DGKG: variants seen among roughly 807,000 people sequenced by gnomAD.
The protein encoded by DGKG is DAG kinase gamma.
DGKG carries 78 observed loss-of-function variants against 105.3 expected under a neutral mutation model. The observed-to-expected ratio is 0.74, with a 90% CI of 0.62 to 0.89. DGKG has a LOEUF of 0.89. Among genes scored for constraint, DGKG ranks in the 40% least tolerant of loss-of-function variants. The probability of loss-of-function intolerance (pLI) is 0.00; values close to 1 mark genes in which losing one functional copy is unlikely to be tolerated. For synonymous variants in DGKG, 346 were observed against 367.1 expected (o/e 0.94, Z 0.66); for missense variants, 958 against 1,020.1 (o/e 0.94, Z 0.83).
At chr3:186,196,987 T>C (rs1454005405) in intron 21 of DGKG, among the ~76,000 whole-genome samples, 1 of 152,158 alleles carries the variant, frequency 6.6e-6, no homozygotes, top group African/African-American at 2.4e-5. Flanking sequence ...GCAGAGAAGA[T>C]ACTCAATACA....
At position 186,308,304 on chromosome 3, in the gene DGKG, A is replaced by C. The variant is rs74969582; in HGVS notation, c.68-1327T>G. Among the ~76,000 whole-genome samples, 205 of 152,328 alleles carry C rather than the reference A, an allele frequency of 1.3e-3. 1 individual carries two copies. Among genetic ancestry groups the C allele is most frequent in the Admixed American group, 2.7e-3 (41 of 15,308 alleles). On this transcript the variant is annotated intron_variant, in intron 2 of 24. Transcript: ENST00000265022. ...GTTATTAAAAACACATTATGAATGC[A>C]TCTTGTGCAGCTATCAGCACTCTAG...
chr3:186,183,185 C>G (rs1397733812), intron 22 of DGKG, among the ~76,000 whole-genome samples: 1 of 152,194 alleles, frequency 6.6e-6, no homozygotes, highest in African/African-American at 2.4e-5. Flanking sequence ...TTTCTAAACA[C>G]TAGCCACTTG....
At chr3:186,352,739 T>C (rs966639081) in intron 1 of DGKG, among the ~76,000 whole-genome samples, 4 of 152,132 alleles carry the variant, frequency 2.6e-5, no homozygotes, top group Non-Finnish European at 5.9e-5. Flanking sequence ...TGTACTGCCA[T>C]TGGTTTAGCC....
intron 1 of DGKG, among the ~76,000 whole-genome samples, chr3:186,343,195 C>T (rs1002555218): frequency 1.3e-5 from 2 of 152,156 alleles, no homozygotes; most frequent in African/African-American, 4.8e-5. Flanking sequence ...TCCATGGAGG[C>T]TACTGAACCA....
At chr3:186,247,906 G>A (rs947501556) in intron 19 of DGKG, among the ~76,000 whole-genome samples, 4 of 152,104 alleles carry the variant, frequency 2.6e-5, no homozygotes, top group African/African-American at 7.2e-5. Flanking sequence ...GAGAGTGATG[G>A]AGAATCTGTT....
chr3:186,307,119 C>T (rs545663860), intron 2 of DGKG, 142 bp from the exon 3 acceptor site: 124 of 634,562 alleles, frequency 2.0e-4, no homozygotes, highest in Non-Finnish European at 3.2e-4. Flanking sequence ...CCCTCTTCTA[C>T]CCTTTGTCCT....
At chr3:186,296,568 C>T (rs1308332333) in intron 5 of DGKG, among the ~76,000 whole-genome samples, 1 of 152,252 alleles carries the variant, frequency 6.6e-6, no homozygotes, top group Non-Finnish European at 1.5e-5. Flanking sequence ...CCACATCTCT[C>T]ACAGCCCAAC....
At chr3:186,189,335 A>T (rs1717795648) in intron 21 of DGKG, among the ~76,000 whole-genome samples, 1 of 152,224 alleles carries the variant, frequency 6.6e-6, no homozygotes, top group Admixed American at 6.5e-5. Context: ...TTCATCTCAC[A>T]TGTCTATAAA....
chr3:186,353,202 A>C (rs184533447), intron 1 of DGKG, among the ~76,000 whole-genome samples: 68 of 152,188 alleles, frequency 4.5e-4, no homozygotes, highest in African/African-American at 1.5e-3. Context: ...CAGGCCGAGG[A>C]CGTGACCCTT....
At chr3:186,336,736 A>G (rs1725849284) in intron 1 of DGKG, among the ~76,000 whole-genome samples, 1 of 151,592 alleles carries the variant, frequency 6.6e-6, no homozygotes, top group South Asian at 2.1e-4. Flanking sequence ...TATGAGACAG[A>G]GAGAGAGAGA....
Position 186,288,832 on chromosome 3 carries a change from G to A in DGKG, c.422C>T (p.Ala141Val), listed in dbSNP as rs757494014. 83 of 1,605,664 alleles carry A rather than the reference G, an allele frequency of 5.2e-5. 1 individual carries two copies. Among genetic ancestry groups the A allele is most frequent in the Admixed American group, 1.5e-4 (9 of 58,556 alleles). ...KQAPAEDQVA[A>V]TPLEPPVPRS... ...AGGGACGGGGGGTTCCAGGGGGGTC[G>A]CAGCCACTTGGTCTTCAGCTGGTGC... The change falls in exon 6 of 25, where the codon GCG becomes GTG. Residue 141 changes from alanine to valine, a missense_variant. Around this residue, in one of 2 missense-constraint regions of DGKG, gnomAD observed 643 missense variants for 619.5 expected, o/e 1.04. Coordinates refer to ENST00000265022, the MANE Select transcript of DGKG (RefSeq NM_001346.3).
At chr3:186,293,729 C>T (rs555047315) in intron 5 of DGKG, among the ~76,000 whole-genome samples, 14 of 152,342 alleles carry the variant, frequency 9.2e-5, no homozygotes, top group African/African-American at 3.4e-4. Flanking sequence ...AATCTAAGCT[C>T]TTTCCCTGGC....
chr3:186,339,251 T>C (rs940172226), intron 1 of DGKG, among the ~76,000 whole-genome samples: 1 of 152,204 alleles, frequency 6.6e-6, no homozygotes, highest in African/African-American at 2.4e-5. Flanking sequence ...ACCTTAGCCA[T>C]CAGTGAACTT....
chr3:186,299,086 TCAA>T (rs754190313), intron 3 of DGKG, among the ~76,000 whole-genome samples: 3 of 152,146 alleles, frequency 2.0e-5, no homozygotes, highest in Non-Finnish European at 1.5e-5. Flanking sequence ...CAGCAAACAC[TCAA>T]CAACAACAGT....
At chr3:186,358,585 AT>A (rs775028337) in intron 1 of DGKG, among the ~76,000 whole-genome samples, 2 of 149,642 alleles carry the variant, frequency 1.3e-5, no homozygotes, top group Admixed American at 6.7e-5. Flanking sequence ...ACCTGAGGAC[AT>A]TTTTTTTAAA....
chr3:186,322,343 C>G (rs947011625), intron 1 of DGKG, among the ~76,000 whole-genome samples: 7 of 152,118 alleles, frequency 4.6e-5, no homozygotes, highest in African/African-American at 1.7e-4. Flanking sequence ...CCAGATACAG[C>G]ACATCTTCAC....
chr3:186,320,364 G>T (rs761876301), intron 2 of DGKG, 29 bp downstream of exon 2: 2 of 1,613,382 alleles, frequency 1.2e-6, no homozygotes, highest in East Asian at 2.2e-5. Context: ...AAGAAATCCC[G>T]TCCCAGGGCT....
chr3:186,320,326 C>T, intron 2 of DGKG, 67 bp downstream of exon 2: 5 of 1,600,528 alleles, frequency 3.1e-6, no homozygotes, highest in Non-Finnish European at 4.3e-6. Context: ...TACTGCTATG[C>T]TTTCCAGAAA....
At chr3:186,265,217 G>T (rs561293364) in intron 14 of DGKG, 30 bp downstream of exon 14, 7 of 1,611,110 alleles carry the variant, frequency 4.3e-6, no homozygotes, top group Admixed American at 3.3e-5. Context: ...AACTTAGAAG[G>T]TGCAATCGGA....
Sources: allele counts gnomAD v4.1 joint callset (sites outside exome capture counted in the v4.1 genomes callset), GRCh38; gene constraint gnomAD v4.1.1; regional missense constraint gnomAD v4.1.1; transcripts MANE v1.5; gene names NCBI Gene and HGNC (gene_info 2026-07-23, HGNC 2026-07-21).